PPME1: variants seen among roughly 807,000 people sequenced by gnomAD.
PPME1 encodes the protein testicular secretory protein Li 39.
A neutral mutation model predicts 56.9 loss-of-function variants in PPME1; 17 were observed. The observed-to-expected ratio is 0.30, with a 90% CI of 0.20 to 0.45. The LOEUF (loss-of-function observed/expected upper bound fraction) is 0.45, where lower values mean the gene tolerates loss of function less well. PPME1 is among the 20% of genes least tolerant of loss of function. The pLI, the probability that PPME1 is intolerant of heterozygous loss-of-function variation, is 1.00. For synonymous variants in PPME1, 122 were observed against 156.2 expected (o/e 0.78, Z 1.63); for missense variants, 357 against 483.2 (o/e 0.74, Z 2.45).
rs1276209367 is a variant in PPME1 at position 74,251,274 on chromosome 11, T to G, written c.1074+256T>G. 4.4e-6 allele frequency: 6 copies of G among 1,368,220 alleles called. No homozygotes were observed. In the East Asian group the frequency reaches 1.6e-4, roughly 36 times the overall value. 84.8% of individuals were successfully genotyped at this position (1,368,220 alleles called of 1,614,324 possible). A position where few individuals can be genotyped will look rare whatever the true frequency, so the allele number is the denominator to read the frequency against. Reference sequence around the variant, plus strand: ...CTGTGGTTAAGATCTTAAGCTCTACTTCTCCAATACCCCCAAAAGCCAGAG... The same window carrying G: ...CTGTGGTTAAGATCTTAAGCTCTACGTCTCCAATACCCCCAAAAGCCAGAG... On this transcript the variant is annotated intron_variant, in intron 12 of 13. Coordinates refer to ENST00000328257, the MANE Select transcript of PPME1 (RefSeq NM_016147.3).
chr11:74,183,854 C>T (rs568173906), intron 1 of PPME1, among the ~76,000 whole-genome samples: 1 of 152,170 alleles, frequency 6.6e-6, no homozygotes, highest in East Asian at 1.9e-4. Flanking sequence ...CATTTAGGAG[C>T]TCAATAAACA....
chr11:74,252,564 T>G (rs1406449371), intron 13 of PPME1: 7 of 454,256 alleles, frequency 1.5e-5, no homozygotes, highest in Non-Finnish European at 2.6e-5. Flanking sequence ...AGAGCAGGGT[T>G]TTCAACCTCA....
intron 3 of PPME1, among the ~76,000 whole-genome samples, chr11:74,213,937 A>G (rs908343160): frequency 3.9e-5 from 6 of 152,220 alleles, no homozygotes; most frequent in African/African-American, 1.4e-4. Context: ...GTCACTGATC[A>G]ATATTCACAA....
intron 1 of PPME1, among the ~76,000 whole-genome samples, chr11:74,177,213 C>G (rs1239881012): frequency 1.3e-5 from 2 of 152,084 alleles, no homozygotes; most frequent in Non-Finnish European, 2.9e-5. Flanking sequence ...GTAATCCCAG[C>G]ACTTTGGGAG....
intron 1 of PPME1, among the ~76,000 whole-genome samples, chr11:74,187,268 C>T (rs981551450): frequency 1.7e-4 from 26 of 152,126 alleles, no homozygotes; most frequent in Non-Finnish European, 3.5e-4. Context: ...AGTTTGTCAA[C>T]GTCTGCAAAG....
chr11:74,223,270 A>C (rs1406342987), intron 4 of PPME1, among the ~76,000 whole-genome samples: 1 of 151,544 alleles, frequency 6.6e-6, no homozygotes, highest in African/African-American at 2.4e-5. Flanking sequence ...AAGGACATGA[A>C]CTCATCATTT....
chr11:74,232,589 C>T (rs1859094088), intron 7 of PPME1, among the ~76,000 whole-genome samples: 1 of 152,164 alleles, frequency 6.6e-6, no homozygotes, highest in South Asian at 2.1e-4. Flanking sequence ...CTCAGGTGCC[C>T]TGCCTGCTTC....
chr11:74,230,214 A>G lies in PPME1; in HGVS notation c.399-31A>G. 1 of 1,580,526 alleles carries G rather than the reference A, an allele frequency of 6.3e-7. No homozygotes were observed. The highest frequency in any genetic ancestry group is 1.2e-5 in the South Asian group (1 of 86,256). Reference sequence around the variant, plus strand: ...CATTTTTACAGTGTTGTCAGAAAGCATTCTTAGATCTTTTTCTCTTCTCTT... The same window carrying G: ...CATTTTTACAGTGTTGTCAGAAAGCGTTCTTAGATCTTTTTCTCTTCTCTT... On this transcript the variant is annotated intron_variant, in intron 5 of 13. Transcript: ENST00000328257. This position sits in a 1 kb window ranked among gnomAD's most constrained non-coding sequence, Gnocchi z 4.9.
At chr11:74,199,496 C>T (rs771022550) in intron 1 of PPME1, among the ~76,000 whole-genome samples, 4 of 152,048 alleles carry the variant, frequency 2.6e-5, no homozygotes, top group African/African-American at 7.2e-5. Flanking sequence ...CAGGGTCTCA[C>T]GGTTTTGTCC....
At chr11:74,242,095 G>A (rs1343812328) in intron 9 of PPME1, among the ~76,000 whole-genome samples, 1 of 152,044 alleles carries the variant, frequency 6.6e-6, no homozygotes, top group Non-Finnish European at 1.5e-5. Flanking sequence ...GAATTTTCTT[G>A]TTTTAGCTCT....
intron 4 of PPME1, among the ~76,000 whole-genome samples, chr11:74,224,061 G>A (rs557559218): frequency 7.3e-4 from 110 of 151,690 alleles, no homozygotes; most frequent in African/African-American, 2.5e-3. Context: ...TTCTTCTAGG[G>A]TTTTTATGGT....
At chr11:74,202,170 T>A (rs773342930) in intron 1 of PPME1, among the ~76,000 whole-genome samples, 1 of 152,226 alleles carries the variant, frequency 6.6e-6, no homozygotes, top group Non-Finnish European at 1.5e-5. Context: ...GTAGGACTTA[T>A]AAGGAATTTG....
intron 1 of PPME1, among the ~76,000 whole-genome samples, chr11:74,200,401 G>GTGTGT (rs1858127391): frequency 2.1e-5 from 3 of 144,744 alleles, no homozygotes; most frequent in African/African-American, 7.7e-5. Flanking sequence ...GTGTGTGTGT[G>GTGTGT]GACGAAGTCT....
chr11:74,232,278 G>A (rs917004579), intron 7 of PPME1, among the ~76,000 whole-genome samples: 5 of 152,314 alleles, frequency 3.3e-5, no homozygotes, highest in African/African-American at 9.6e-5. Flanking sequence ...AAGCTATTCT[G>A]TATTTCTTTT....
intron 1 of PPME1, among the ~76,000 whole-genome samples, chr11:74,182,598 G>A (rs1052384299): frequency 6.6e-6 from 1 of 152,092 alleles, no homozygotes; most frequent in Non-Finnish European, 1.5e-5. Context: ...GACCTCAAGA[G>A]ATCTGCCCAC....
rs1216584605 is a variant in PPME1, at chr11:74,232,674, C to CTT, written c.644+1690_644+1691dup. On this transcript the variant is annotated intron_variant, in intron 7 of 13. Coordinates refer to ENST00000328257, the MANE Select transcript of PPME1 (RefSeq NM_016147.3). Reference sequence around the variant, plus strand: ...AAAGCCCATCCAACTTTTATCCAAACTTTTTTTTTTTTTTTTTTTGAGACA... The same window carrying CTT: ...AAAGCCCATCCAACTTTTATCCAAACTTTTTTTTTTTTTTTTTTTTTGAGACA... Among the ~76,000 whole-genome samples, 293 of 134,430 alleles carry CTT rather than the reference C, an allele frequency of 2.2e-3. 1 individual carries two copies. Among genetic ancestry groups the CTT allele is most frequent in the Middle Eastern group, 7.8e-3 (2 of 258 alleles). 88.2% of individuals were successfully genotyped at this position (134,430 alleles called of 152,430 possible). A position where few individuals can be genotyped will look rare whatever the true frequency, so the allele number is the denominator to read the frequency against.
intron 3 of PPME1, among the ~76,000 whole-genome samples, chr11:74,208,266 C>T (rs149040176): frequency 0.012 from 1,734 of 150,516 alleles, 31 homozygotes; most frequent in African/African-American, 0.041. Context: ...GAGTCGAGAT[C>T]GTGCCACTGC....
intron 8 of PPME1, among the ~76,000 whole-genome samples, chr11:74,236,460 T>G (rs1859193046): frequency 6.6e-6 from 1 of 152,200 alleles, no homozygotes; most frequent in Admixed American, 6.5e-5. Flanking sequence ...TGCTGTATAG[T>G]CACAAAATAA....
intron 3 of PPME1, among the ~76,000 whole-genome samples, chr11:74,209,128 A>C (rs1858405265): frequency 6.6e-6 from 1 of 152,116 alleles, no homozygotes; most frequent in African/African-American, 2.4e-5. Context: ...TGTTTTTGAT[A>C]CAGGGTCTCA....
Sources: gnomAD v4.1 joint callset for allele counts (sites outside exome capture counted in the v4.1 genomes callset) on GRCh38, gnomAD v4.1.1 for gene constraint, Gnocchi (gnomAD v3.1) non-coding constraint, MANE v1.5 for transcripts, NCBI Gene and HGNC (gene_info 2026-07-23, HGNC 2026-07-21) for gene names.